The following PRDM16 variants were observed in gnomAD, a reference collection of about 807,000 sequenced individuals.
PRDM16 encodes the protein PR/SET domain 16, also known as histone-lysine N-methyltransferase PRDM16.
A neutral mutation model predicts 110.6 loss-of-function variants in PRDM16; 23 were observed. That is an observed-to-expected ratio of 0.21 (90% CI 0.15 to 0.29). The LOEUF is 0.29. Among genes scored for constraint, PRDM16 ranks in the 10% least tolerant of loss-of-function variants. The pLI, the probability that PRDM16 is intolerant of heterozygous loss-of-function variation, is 1.00. For missense variants in PRDM16, 1,615 were observed against 1,794.3 expected, an observed-to-expected ratio of 0.90 and a Z score of 1.81; for synonymous variants, 799 against 781.8, an observed-to-expected ratio of 1.02 and a Z score of -0.37.
intron 3 of PRDM16, among the ~76,000 whole-genome samples, chr1:3,280,619 C>T (rs568149635): frequency 1.4e-4 from 21 of 152,234 alleles, no homozygotes; most frequent in African/African-American, 4.6e-4. Context: ...CCTCTCACCC[C>T]AGCAAGGTCT....
rs1643725976 is a variant in PRDM16, at chr1:3,148,805, ATGT to A, written c.38-37317_38-37315del. 6.6e-6 allele frequency among the ~76,000 whole-genome samples: 1 copy of A among 152,234 alleles called. No individual in the cohort carries two copies. Among genetic ancestry groups the A allele is most frequent in the Non-Finnish European group, 1.5e-5 (1 of 68,042 alleles). Reference sequence around the variant, plus strand: ...AATCCATCCCCACTTTACTTAGCACATGTTGAAAGTCCTTCTAGAAAGCCAGGA... The same window carrying A: ...AATCCATCCCCACTTTACTTAGCACATGAAAGTCCTTCTAGAAAGCCAGGA... On this transcript the variant is annotated intron_variant, in intron 1 of 16. Coordinates refer to ENST00000270722, the MANE Select transcript of PRDM16 (RefSeq NM_022114.4). This position sits in a 1 kb window ranked among gnomAD's most constrained non-coding sequence, Gnocchi z 5.0.
intron 2 of PRDM16, among the ~76,000 whole-genome samples, chr1:3,234,086 G>C (rs1234106393): frequency 6.6e-6 from 1 of 152,104 alleles, no homozygotes; most frequent in African/African-American, 2.4e-5. Flanking sequence ...GTTTGCGATT[G>C]GGTCGGTCCC....
intron 3 of PRDM16, among the ~76,000 whole-genome samples, chr1:3,278,859 G>A (rs1036165298): frequency 6.6e-6 from 1 of 152,178 alleles, no homozygotes; most frequent in African/African-American, 2.4e-5. Flanking sequence ...GCGTCCCTGC[G>A]TCCTCTCAAC....
At chr1:3,103,602 C>A (rs1188631676) in intron 1 of PRDM16, among the ~76,000 whole-genome samples, 1 of 152,204 alleles carries the variant, frequency 6.6e-6, no homozygotes, top group African/African-American at 2.4e-5. Flanking sequence ...TGCAGAAACA[C>A]CTGTGGAGGG....
At chr1:3,090,036 T>G (rs893563268) in intron 1 of PRDM16, among the ~76,000 whole-genome samples, 3 of 152,308 alleles carry the variant, frequency 2.0e-5, no homozygotes, top group Admixed American at 6.5e-5. Flanking sequence ...TGTTCACAGC[T>G]TCACCGGACA....
intron 1 of PRDM16, among the ~76,000 whole-genome samples, chr1:3,110,884 C>T (rs1278862145): frequency 3.3e-5 from 5 of 152,234 alleles, no homozygotes; most frequent in South Asian, 2.1e-4. Flanking sequence ...GAACAGTTGC[C>T]GAGTCCTTGC....
chr1:3,083,118 C>T (rs1228956723), intron 1 of PRDM16, among the ~76,000 whole-genome samples: 1 of 152,174 alleles, frequency 6.6e-6, no homozygotes, highest in Non-Finnish European at 1.5e-5. Context: ...TGGCCAAAGA[C>T]AGGCTTGTGT....
At chr1:3,280,032 T>C (rs1255905033) in intron 3 of PRDM16, among the ~76,000 whole-genome samples, 2 of 151,802 alleles carry the variant, frequency 1.3e-5, no homozygotes, top group African/African-American at 4.8e-5. Flanking sequence ...CATACTTTTT[T>C]TGTAAAACAA....
intron 3 of PRDM16, among the ~76,000 whole-genome samples, chr1:3,328,539 C>T (rs563431232): frequency 6.6e-6 from 1 of 152,120 alleles, no homozygotes; most frequent in Non-Finnish European, 1.5e-5. Context: ...TCAAAGGGCA[C>T]GGGGCCCTGT....
chr1:3,158,143 TA>T (rs1486414494), intron 1 of PRDM16, among the ~76,000 whole-genome samples: 4 of 152,206 alleles, frequency 2.6e-5, no homozygotes, highest in Non-Finnish European at 1.5e-5. Flanking sequence ...GCCCGTTCTG[TA>T]TTGGCAAACA....
intron 3 of PRDM16, among the ~76,000 whole-genome samples, chr1:3,288,707 C>T (rs1640910076): frequency 6.6e-6 from 1 of 151,982 alleles, no homozygotes; most frequent in Non-Finnish European, 1.5e-5. Context: ...AGACCCAAGT[C>T]CTGCAGCCAG....
At chr1:3,220,294 A>G (rs2651898) in intron 2 of PRDM16, among the ~76,000 whole-genome samples, 7,295 of 152,216 alleles carry the variant, frequency 0.048, 355 homozygotes, top group East Asian at 0.12. Flanking sequence ...GCCACGTCAC[A>G]GGCATCATAG....
intron 5 of PRDM16, among the ~76,000 whole-genome samples, chr1:3,396,965 G>C (rs1421363929): frequency 6.6e-6 from 1 of 152,168 alleles, no homozygotes; most frequent in Non-Finnish European, 1.5e-5. Flanking sequence ...ATTCTTATTA[G>C]CAGCAGCAAC....
chr1:3,384,751 T>C (rs574991476), intron 3 of PRDM16, among the ~76,000 whole-genome samples: 1 of 152,356 alleles, frequency 6.6e-6, no homozygotes, highest in Admixed American at 6.5e-5. Context: ...AGACACGCTT[T>C]TCTCTAGCGC....
intron 3 of PRDM16, chr1:3,308,615 T>G (rs1214588035): frequency 2.0e-5 from 3 of 152,240 alleles, no homozygotes; most frequent in Non-Finnish European, 2.9e-5. Context: ...ATGCGTTTCC[T>G]CGTGCCTGGT....
At chr1:3,341,016 G>C (rs1007542431) in intron 3 of PRDM16, among the ~76,000 whole-genome samples, 2 of 151,996 alleles carry the variant, frequency 1.3e-5, no homozygotes, top group African/African-American at 4.8e-5. Flanking sequence ...TCCAGGCTAG[G>C]GAGGGGGATG....
At position 3,325,521 on chromosome 1, in the gene PRDM16, G is replaced by C. The variant is rs184132273; in HGVS notation, c.439-59631G>C. On this transcript the variant is annotated intron_variant, in intron 3 of 16. Transcript: ENST00000270722. ...CCGGCCAGATGGGTGTCCCAGCAGG[G>C]GTGCCCTGGGCGGCTCTCAGGGACT... Among the ~76,000 whole-genome samples, 877 of 152,326 alleles carry C rather than the reference G, an allele frequency of 5.8e-3. 12 individuals carry two copies. The highest frequency in any genetic ancestry group is 6.2e-3 in the Non-Finnish European group (419 of 68,022).
intron 2 of PRDM16, among the ~76,000 whole-genome samples, chr1:3,204,078 GTGACA>G (rs1638694318): frequency 6.6e-6 from 1 of 152,248 alleles, no homozygotes; most frequent in Non-Finnish European, 1.5e-5. Flanking sequence ...CTCAGGGCCA[GTGACA>G]TATGAACGGT....
intron 3 of PRDM16, among the ~76,000 whole-genome samples, chr1:3,302,359 G>C (rs2500283): frequency 0.8 from 122,214 of 152,154 alleles, 49,518 homozygotes; most frequent in East Asian, 0.99. Flanking sequence ...AAACAGTGTA[G>C]ATACTTTAAT....
Sources: allele counts gnomAD v4.1 joint callset (sites outside exome capture counted in the v4.1 genomes callset), GRCh38; gene constraint gnomAD v4.1.1; non-coding constraint Gnocchi (gnomAD v3.1); transcripts MANE v1.5; gene names NCBI Gene and HGNC (gene_info 2026-07-23, HGNC 2026-07-21).